The following IFT80 variants were observed in gnomAD, a reference collection of about 807,000 sequenced individuals.
The protein encoded by IFT80 is intraflagellar transport 80.
In IFT80, 79 loss-of-function variants were observed where a neutral mutation model predicts 107.9. The ratio of observed to expected loss-of-function variants is 0.73; its 90% confidence interval spans 0.61 to 0.88. IFT80 has a LOEUF of 0.88. IFT80 is among the 40% of genes least tolerant of loss of function. The pLI, the probability that IFT80 is intolerant of heterozygous loss-of-function variation, is 0.00. For synonymous variants in IFT80, 299 were observed against 300.9 expected, an observed-to-expected ratio of 0.99 and a Z score of 0.07; for missense variants, 797 against 914.2, an observed-to-expected ratio of 0.87 and a Z score of 1.65.
intron 9 of IFT80, among the ~76,000 whole-genome samples, chr3:160,319,056 C>T (rs1718019146): frequency 6.6e-6 from 1 of 152,012 alleles, no homozygotes; most frequent in Non-Finnish European, 1.5e-5. Context: ...TGTGTATCGC[C>T]ACAACTGTCT....
rs186726853 is a variant in IFT80, at chr3:160,350,693, T to C, written c.777+5320A>G. On this transcript the variant is annotated intron_variant, in intron 8 of 19. Coordinates refer to ENST00000326448, the MANE Select transcript of IFT80 (RefSeq NM_020800.3). ...AGCTGGGCGTGGTGATGTGCGCGTG[T>C]AGTCCCAGTTACTTGTGAGGCTGGA... Among the ~76,000 whole-genome samples, 6 of 152,026 alleles carry C rather than the reference T, an allele frequency of 3.9e-5. No individual in the cohort carries two copies. The East Asian group carries it at 1.2e-3, about 30-fold the overall frequency.
In IFT80 at chr3:160,375,848, T is replaced by G. The variant is rs779056256; in HGVS notation, c.403A>C (p.Lys135Gln). ...AAAGTTGATCTAAGCATCCCAGTCT[T>G]TGACCAAATTTTTATTTGTCCATCT... ...GEDGQIKIWS[K>Q]TGMLRSTLAQ... The change falls in exon 5 of 20, where the codon AAG becomes CAG. Residue 135 changes from lysine (K) to glutamine (Q), a missense_variant. Coordinates refer to ENST00000326448, the MANE Select transcript of IFT80 (RefSeq NM_020800.3). 42 of 1,611,618 alleles carry G rather than the reference T, an allele frequency of 2.6e-5. No individual in the cohort carries two copies. Among genetic ancestry groups the G allele is most frequent in the Non-Finnish European group, 2.2e-5 (26 of 1,178,352 alleles).
At chr3:160,259,882 G>A (rs924702880) in intron 19 of IFT80, among the ~76,000 whole-genome samples, 3 of 152,186 alleles carry the variant, frequency 2.0e-5, no homozygotes, top group Non-Finnish European at 2.9e-5. Flanking sequence ...CCAAACCCCT[G>A]AGTCTGGGCC....
intron 11 of IFT80, among the ~76,000 whole-genome samples, chr3:160,301,406 T>A (rs1716412998): frequency 6.6e-6 from 1 of 151,978 alleles, no homozygotes; most frequent in Non-Finnish European, 1.5e-5. Flanking sequence ...AATATAGTCA[T>A]TTTAATGCCG....
intron 8 of IFT80, among the ~76,000 whole-genome samples, chr3:160,337,549 G>T (rs1355301956): frequency 6.6e-6 from 1 of 152,072 alleles, no homozygotes; most frequent in Non-Finnish European, 1.5e-5. Flanking sequence ...GCTTGAACTT[G>T]GGAGGCTGAG....
chr3:160,360,774 G>A (rs1421676092), intron 6 of IFT80, among the ~76,000 whole-genome samples: 4 of 152,092 alleles, frequency 2.6e-5, no homozygotes, highest in Admixed American at 2.6e-4. Context: ...CATAAGTGAA[G>A]GAGAAATAAA....
At chr3:160,384,028 T>C in intron 2 of IFT80, 1 of 688,674 alleles carries the variant, frequency 1.5e-6, no homozygotes, top group African/African-American at 1.9e-5. Context: ...GTGGATCACC[T>C]GAGGTCGAGA....
chr3:160,320,044 G>A (rs1718095086), intron 8 of IFT80, 105 bp from the exon 9 acceptor site: 2 of 754,198 alleles, frequency 2.7e-6, no homozygotes, highest in Non-Finnish European at 4.4e-6. Flanking sequence ...TTAAAAGAAT[G>A]TCTATTCTGG....
chr3:160,368,401 G>C (rs1722016182), intron 5 of IFT80, among the ~76,000 whole-genome samples: 1 of 146,920 alleles, frequency 6.8e-6, no homozygotes, highest in African/African-American at 2.5e-5. Context: ...GTCTTCCACA[G>C]TTCAGGTGTT....
At position 160,258,542 on chromosome 3, in the gene IFT80, T is replaced by C. The variant is rs1168103566; in HGVS notation, c.2317A>G (p.Ile773Val). ...CATGGCATTTAGGGCTTTAAACCTA[T>C]ACTCTTGCTGGATTGGCTGCTTGAT... ...QSSSSQSSKS[I>V]GLKP Residue 773 changes from isoleucine (I) to valine (V), a missense_variant, in exon 20 of 20, where the codon ATA (isoleucine) becomes GTA (valine). Physicochemically the swap from Ile to Val is conservative, Grantham distance 29 (BLOSUM62 3). Coordinates refer to ENST00000326448, the MANE Select transcript of IFT80 (RefSeq NM_020800.3). The C allele has an allele frequency of 6.2e-7, 1 of 1,613,856 alleles. No individual in the cohort carries two copies. The highest frequency in any genetic ancestry group is 1.1e-5 in the South Asian group (1 of 91,086).
At chr3:160,323,344 T>A (rs1718421041) in intron 8 of IFT80, among the ~76,000 whole-genome samples, 1 of 150,884 alleles carries the variant, frequency 6.6e-6, no homozygotes, top group Non-Finnish European at 1.5e-5. Flanking sequence ...ATCAGATAGT[T>A]GTAGATATGC....
intron 1 of IFT80, among the ~76,000 whole-genome samples, chr3:160,389,231 T>C (rs1035711437): frequency 3.9e-5 from 6 of 152,214 alleles, no homozygotes; most frequent in African/African-American, 1.4e-4. Context: ...TGGGGATAAT[T>C]ACCCTTTTTC....
chr3:160,380,582 C>G (rs1712403148), intron 3 of IFT80, among the ~76,000 whole-genome samples: 1 of 151,996 alleles, frequency 6.6e-6, no homozygotes, highest in Non-Finnish European at 1.5e-5. Flanking sequence ...TTAAGTTAGC[C>G]AAATAAGTTT....
intron 8 of IFT80, among the ~76,000 whole-genome samples, chr3:160,353,024 A>G (rs141051064): frequency 6.6e-6 from 1 of 152,304 alleles, no homozygotes; most frequent in East Asian, 1.9e-4. Context: ...TAAGGTAACT[A>G]TCTAAAATTG....
chr3:160,369,153 G>A (rs933358306), intron 5 of IFT80, among the ~76,000 whole-genome samples: 3 of 151,800 alleles, frequency 2.0e-5, no homozygotes, highest in African/African-American at 7.3e-5. Context: ...AAACAAATTT[G>A]TAAACAATAA....
At chr3:160,325,119 T>G (rs577631530) in intron 8 of IFT80, among the ~76,000 whole-genome samples, 1 of 151,126 alleles carries the variant, frequency 6.6e-6, no homozygotes, top group Admixed American at 6.6e-5. Flanking sequence ...CACTGCTCAA[T>G]GAAATAAAAG....
intron 8 of IFT80, among the ~76,000 whole-genome samples, chr3:160,330,583 G>A (rs1017003520): frequency 6.6e-6 from 1 of 152,122 alleles, no homozygotes; most frequent in East Asian, 1.9e-4. Context: ...GAGTTACCTA[G>A]GATTGTTAAA....
chr3:160,294,508 A>G (rs1311157002), intron 12 of IFT80, among the ~76,000 whole-genome samples: 1 of 152,268 alleles, frequency 6.6e-6, no homozygotes. Context: ...GGCGTAAGCC[A>G]CCATGTCCAG....
intron 12 of IFT80, among the ~76,000 whole-genome samples, chr3:160,295,888 G>A (rs1715937028): frequency 1.3e-5 from 2 of 152,192 alleles, no homozygotes; most frequent in Non-Finnish European, 2.9e-5. Context: ...TAACTGAAAA[G>A]CTAGTCACAG....
Sources: allele counts gnomAD v4.1 joint callset (sites outside exome capture counted in the v4.1 genomes callset), GRCh38; gene constraint gnomAD v4.1.1; transcripts MANE v1.5; gene names NCBI Gene and HGNC (gene_info 2026-07-23, HGNC 2026-07-21).